The following CDH2 variants were observed in gnomAD, a reference collection of about 807,000 sequenced individuals.
The protein encoded by CDH2 is cadherin 2.
Under a neutral mutation model 92.0 loss-of-function variants are expected in CDH2, and 17 were observed. The ratio of observed to expected loss-of-function variants is 0.18; its 90% CI spans 0.13 to 0.28. CDH2 has a LOEUF of 0.28. CDH2 is among the 10% of genes least tolerant of loss of function. The pLI is 1.00. For missense variants in CDH2, 862 were observed against 1,133.1 expected (o/e 0.76, Z 3.44); for synonymous variants, 419 against 415.9 (o/e 1.01, Z -0.09).
At chr18:27,977,862 C>T (rs1359915174) in intron 14 of CDH2, among the ~76,000 whole-genome samples, 1 of 152,148 alleles carries the variant, frequency 6.6e-6, no homozygotes, top group Non-Finnish European at 1.5e-5. Flanking sequence ...TACACACAGG[C>T]TCCATAAAAA....
chr18:28,060,366 T>C lies in CDH2; in HGVS notation c.173-46457A>G, dbSNP rs140149542. Among the ~76,000 whole-genome samples, 157 of 152,248 alleles carry C rather than the reference T, an allele frequency of 1.0e-3. 2 individuals are homozygous for C. The South Asian group carries it at 0.014, about 14-fold the overall frequency. On this transcript the variant is annotated intron_variant, in intron 2 of 15. Coordinates refer to ENST00000269141, the MANE Select transcript of CDH2 (RefSeq NM_001792.5). Reference sequence around the variant, plus strand: ...ATACCCAGCTAATTTTTCATATTTTTAGTAGAGACGAGGTTTCACCATGTT... The same window carrying C: ...ATACCCAGCTAATTTTTCATATTTTCAGTAGAGACGAGGTTTCACCATGTT...
intron 1 of CDH2, among the ~76,000 whole-genome samples, chr18:28,167,330 T>C (rs1474835729): frequency 1.3e-5 from 2 of 152,102 alleles, no homozygotes; most frequent in Non-Finnish European, 1.5e-5. Context: ...ACAAAAGGTA[T>C]TTAGTGGCTT....
chr18:28,058,667 C>T (rs937578257), intron 2 of CDH2, among the ~76,000 whole-genome samples: 6 of 152,218 alleles, frequency 3.9e-5, no homozygotes, highest in Middle Eastern at 6.8e-3. Context: ...TATGAAATGT[C>T]GGATCTGTTA....
downstream of CDH2, among the ~76,000 whole-genome samples, chr18:27,949,992 A>C (rs554535416): frequency 9.2e-5 from 14 of 152,128 alleles, no homozygotes; most frequent in Middle Eastern, 6.8e-3. Flanking sequence ...GTGAATCTGA[A>C]AATATAGTTT....
At chr18:28,125,134 G>C (rs1436436490) in intron 2 of CDH2, among the ~76,000 whole-genome samples, 1 of 152,092 alleles carries the variant, frequency 6.6e-6, no homozygotes. Context: ...TCCTCTAAAG[G>C]TCAAGAAGAC....
intron 1 of CDH2, among the ~76,000 whole-genome samples, chr18:28,172,783 A>G (rs2016483815): frequency 6.6e-6 from 1 of 152,160 alleles, no homozygotes; most frequent in Admixed American, 6.5e-5. Context: ...TTAACCTGGG[A>G]AAAATGGTAG....
At chr18:27,933,155 C>T (rs943616423) in intron 6 of CDH2, among the ~76,000 whole-genome samples, 1 of 152,096 alleles carries the variant, frequency 6.6e-6, no homozygotes, top group African/African-American at 2.4e-5. Flanking sequence ...GCCAGCATCT[C>T]AAGTCTTATC....
chr18:28,052,269 T>C (rs1339872983), intron 2 of CDH2, among the ~76,000 whole-genome samples: 1 of 152,204 alleles, frequency 6.6e-6, no homozygotes, highest in Admixed American at 6.5e-5. Context: ...GTAAGGGAAG[T>C]ATAACTGAAA....
intron 2 of CDH2, among the ~76,000 whole-genome samples, chr18:28,050,450 T>C (rs904025450): frequency 6.6e-6 from 1 of 151,754 alleles, no homozygotes; most frequent in African/African-American, 2.4e-5. Flanking sequence ...TTTCTATTCA[T>C]TTCATTCTTA....
In CDH2 at chr18:28,100,207, T is replaced by C. The variant is rs1042757447; in HGVS notation, c.172+47466A>G. 2.7e-5 allele frequency among the ~76,000 whole-genome samples: 4 copies of C among 149,294 alleles called. No individual in the cohort carries two copies. In the East Asian group the frequency reaches 7.7e-4, roughly 29 times the overall value. Reference sequence around the variant, plus strand: ...TTTTGGGATGAAATTAACAGTTAAATCAGTAGACTGAATAAAACAGATTGC... The same window carrying C: ...TTTTGGGATGAAATTAACAGTTAAACCAGTAGACTGAATAAAACAGATTGC... On this transcript the variant is annotated intron_variant, in intron 2 of 15. Transcript: ENST00000269141.
chr18:27,981,614 T>C (rs540743055), intron 14 of CDH2, among the ~76,000 whole-genome samples: 5 of 152,158 alleles, frequency 3.3e-5, no homozygotes, highest in South Asian at 4.2e-4. Flanking sequence ...AAATGTAAAA[T>C]GGAAAACTCT....
chr18:28,161,834 C>T (rs2016311000), intron 1 of CDH2, among the ~76,000 whole-genome samples: 1 of 152,078 alleles, frequency 6.6e-6, no homozygotes, highest in Non-Finnish European at 1.5e-5. Context: ...TGACCTTTGG[C>T]CAACTTAGAT....
intron 2 of CDH2, among the ~76,000 whole-genome samples, chr18:28,063,280 T>C (rs1466683517): frequency 1.3e-5 from 2 of 152,200 alleles, no homozygotes; most frequent in Non-Finnish European, 1.5e-5. Context: ...ACATTACTAC[T>C]GGAACATATT....
intron 2 of CDH2, among the ~76,000 whole-genome samples, chr18:28,060,584 A>G (rs2014383652): frequency 6.6e-6 from 1 of 152,216 alleles, no homozygotes. Flanking sequence ...AAGCAAAACA[A>G]GCACTTGATT....
At chr18:28,127,828 T>C (rs747387033) in intron 2 of CDH2, among the ~76,000 whole-genome samples, 3 of 152,238 alleles carry the variant, frequency 2.0e-5, no homozygotes, top group Admixed American at 6.5e-5. Context: ...ACTCAGCTAA[T>C]TGTATGGTTA....
intron 1 of CDH2, among the ~76,000 whole-genome samples, chr18:28,176,683 T>A (rs1235760844): frequency 2.6e-5 from 4 of 151,986 alleles, no homozygotes; most frequent in Non-Finnish European, 5.9e-5. Context: ...CCCGCGAGCT[T>A]GCTCGGCCCC....
intron 14 of CDH2, among the ~76,000 whole-genome samples, chr18:27,966,387 G>A (rs974691939): frequency 6.6e-5 from 10 of 152,084 alleles, no homozygotes; most frequent in Non-Finnish European, 1.2e-4. Flanking sequence ...GAGGAATTTC[G>A]TTCATATAAC....
At chr18:28,033,239 A>G (rs2013742491) in intron 2 of CDH2, among the ~76,000 whole-genome samples, 1 of 152,100 alleles carries the variant, frequency 6.6e-6, no homozygotes, top group Admixed American at 6.6e-5. Context: ...TCTTCCCTCA[A>G]TGCCTTTGTC....
At position 28,097,373 on chromosome 18, in the gene CDH2, TAAAA is replaced by T. The variant is rs34258746; in HGVS notation, c.172+50296_172+50299del. 486 of 148,782 alleles carry T rather than the reference TAAAA, an allele frequency of 3.3e-3. 3 individuals are homozygous for T. Among genetic ancestry groups the T allele is most frequent in the African/African-American group, 7.4e-3 (301 of 40,510 alleles). The allele number at this position is 148,782 out of a possible 1,614,324, so 9.2% of individuals were successfully genotyped here. On this transcript the variant is annotated intron_variant, in intron 2 of 15. Transcript: ENST00000269141. ...AGCTATGGAGTTTTGTTCCTTTTTT[TAAAA>T]AAAAAAAAAAAAATGGAACTCACAG...
Sources: allele counts gnomAD v4.1 joint callset (sites outside exome capture counted in the v4.1 genomes callset), GRCh38; gene constraint gnomAD v4.1.1; transcripts MANE v1.5; gene names NCBI Gene and HGNC (gene_info 2026-07-23, HGNC 2026-07-21).